Variants in RNF13 observed in about 807,000 individuals in gnomAD.
RNF13 encodes ring finger protein 13.
In RNF13, 19 loss-of-function variants were observed where a neutral mutation model predicts 37.7. That is an observed-to-expected ratio of 0.50 (90% CI 0.35 to 0.74). RNF13 has a LOEUF of 0.74. RNF13 is among the 30% of genes least tolerant of loss of function. The pLI is 0.01. For missense variants in RNF13, 375 were observed against 453.0 expected, an observed-to-expected ratio of 0.83 and a Z score of 1.56; for synonymous variants, 144 against 157.8, an observed-to-expected ratio of 0.91 and a Z score of 0.65.
At chr3:149,853,886 G>C (rs1206699459) in intron 3 of RNF13, among the ~76,000 whole-genome samples, 4 of 146,922 alleles carry the variant, frequency 2.7e-5, no homozygotes, top group African/African-American at 1.0e-4. Flanking sequence ...GCCCAGACTG[G>C]AGCACAGTGG....
intron 8 of RNF13, among the ~76,000 whole-genome samples, chr3:149,937,818 A>G (rs1486442465): frequency 6.6e-6 from 1 of 152,128 alleles, no homozygotes; most frequent in Non-Finnish European, 1.5e-5. Context: ...ATTTTTAAAA[A>G]ATAAAGTATA....
intron 4 of RNF13, among the ~76,000 whole-genome samples, chr3:149,878,113 T>C (rs1046722313): frequency 6.6e-6 from 1 of 152,208 alleles, no homozygotes; most frequent in Non-Finnish European, 1.5e-5. Flanking sequence ...TTTATTTATG[T>C]ATCTATTCCC....
chr3:149,858,192 A>C (rs1474303183), intron 3 of RNF13, among the ~76,000 whole-genome samples: 1 of 152,182 alleles, frequency 6.6e-6, no homozygotes, highest in Non-Finnish European at 1.5e-5. Context: ...AGCCTGCACA[A>C]CCATGAGCTA....
chr3:149,917,951 C>T (rs953466562), intron 7 of RNF13, among the ~76,000 whole-genome samples: 4 of 152,108 alleles, frequency 2.6e-5, no homozygotes, highest in Non-Finnish European at 4.4e-5. Context: ...AATTATGCAA[C>T]CATCACCACA....
rs559550339 is a variant in RNF13, at chr3:149,957,513, T to G, written c.701-2543T>G. Among the ~76,000 whole-genome samples the G allele has an allele frequency of 2.0e-5, 3 of 152,320 alleles. No individual in the cohort carries two copies. In the South Asian group the frequency reaches 6.2e-4, roughly 32 times the overall value. ...ATTTAACTAAATTACATAATTACCC[T>G]AAGTAAAACAAACAGGTTCAATGAC... On this transcript the variant is annotated intron_variant, in intron 8 of 9. Transcript: ENST00000392894.
chr3:149,889,935 A>G (rs909541168), intron 4 of RNF13, among the ~76,000 whole-genome samples: 5 of 152,182 alleles, frequency 3.3e-5, no homozygotes, highest in African/African-American at 1.2e-4. Context: ...TCAGCCTCCC[A>G]GAGTCCTGGG....
chr3:149,819,716 A>C lies in RNF13; in HGVS notation c.-17+6363A>C, dbSNP rs145472407. On this transcript the variant is annotated intron_variant, in intron 1 of 9. Transcript: ENST00000392894. ...ATATACAGAGACGAGCCAGTTTATG[A>C]AGAACTTTGTGCTAAACCACAGTTT... Among the ~76,000 whole-genome samples the C allele has an allele frequency of 4.0e-3, 605 of 152,356 alleles. 3 individuals are homozygous for C. The highest frequency in any genetic ancestry group is 0.014 in the African/African-American group (576 of 41,588).
chr3:149,923,807 C>T (rs1395747128), intron 8 of RNF13, among the ~76,000 whole-genome samples: 1 of 149,334 alleles, frequency 6.7e-6, no homozygotes, highest in Non-Finnish European at 1.5e-5. Flanking sequence ...AATGGTGATA[C>T]TGTCCTGGGT....
At chr3:149,921,268 A>T in intron 8 of RNF13, 41 bp downstream of exon 8, 1 of 934,920 alleles carries the variant, frequency 1.1e-6, no homozygotes, top group Non-Finnish European at 1.5e-6. Flanking sequence ...TAGTTTATTT[A>T]AGACTGCAGG....
intron 1 of RNF13, among the ~76,000 whole-genome samples, chr3:149,824,647 T>A (rs1720304258): frequency 6.6e-6 from 1 of 151,770 alleles, no homozygotes; most frequent in African/African-American, 2.4e-5. Context: ...ATGACCTCTG[T>A]CCTAGTTTTC....
intron 7 of RNF13, among the ~76,000 whole-genome samples, chr3:149,918,261 A>G (rs1717752263): frequency 6.6e-6 from 1 of 152,170 alleles, no homozygotes; most frequent in South Asian, 2.1e-4. Context: ...CAGACTATCT[A>G]TGTTTCAAGT....
intron 5 of RNF13, among the ~76,000 whole-genome samples, chr3:149,899,507 G>C (rs1337696971): frequency 6.6e-6 from 1 of 152,176 alleles, no homozygotes; most frequent in Non-Finnish European, 1.5e-5. Context: ...TTAAACAGCT[G>C]TGTAAGGCAA....
intron 5 of RNF13, among the ~76,000 whole-genome samples, chr3:149,899,930 G>A (rs926625004): frequency 3.9e-5 from 6 of 152,196 alleles, no homozygotes; most frequent in Admixed American, 1.3e-4. Context: ...TTGGATATAC[G>A]AATCTGGAGA....
intron 8 of RNF13, among the ~76,000 whole-genome samples, chr3:149,921,959 C>G (rs1718170257): frequency 6.6e-6 from 1 of 152,044 alleles, no homozygotes; most frequent in Non-Finnish European, 1.5e-5. Context: ...TCTCCAGCAT[C>G]TGTTGTTTCC....
intron 4 of RNF13, among the ~76,000 whole-genome samples, chr3:149,881,825 G>A (rs2108462634): frequency 6.6e-6 from 1 of 152,186 alleles, no homozygotes; most frequent in South Asian, 2.1e-4. Flanking sequence ...ATGCCACTTA[G>A]CAAAAGGTCA....
chr3:149,930,048 C>T (rs1356996363), intron 8 of RNF13, among the ~76,000 whole-genome samples: 1 of 152,204 alleles, frequency 6.6e-6, no homozygotes, highest in Non-Finnish European at 1.5e-5. Flanking sequence ...GCCTCAGCCT[C>T]CCATGTAGCT....
chr3:149,910,563 T>C (rs557287317), intron 6 of RNF13, among the ~76,000 whole-genome samples: 1 of 152,344 alleles, frequency 6.6e-6, no homozygotes, highest in South Asian at 2.1e-4. Context: ...ATACATGTTA[T>C]TTGTCTTAAG....
intron 7 of RNF13, among the ~76,000 whole-genome samples, chr3:149,919,262 A>G (rs1384811068): frequency 6.6e-6 from 1 of 152,178 alleles, no homozygotes; most frequent in Non-Finnish European, 1.5e-5. Flanking sequence ...TATCACATAT[A>G]TCATCCATAT....
In RNF13 at chr3:149,895,466, T is replaced by C. The variant is rs1715151903; in HGVS notation, c.322-7T>C. On this transcript the variant is annotated splice_region_variant and splice_polypyrimidine_tract_variant and intron_variant, in intron 4 of 9. Transcript: ENST00000392894. ...CATAATTTTTTTTTTTTTTTTTTGC[T>C]TTGCAGGTTTTAAATGCACAGAGAG... is the stretch of plus-strand genomic sequence containing the variant. 5.2e-6 allele frequency: 8 copies of C among 1,533,122 alleles called. No individual in the cohort carries two copies. In the South Asian group the frequency reaches 6.1e-5, roughly 12 times the overall value. 95.0% of individuals were successfully genotyped at this position (1,533,122 alleles called of 1,614,324 possible).
Sources: allele counts gnomAD v4.1 joint callset (sites outside exome capture counted in the v4.1 genomes callset), GRCh38; gene constraint gnomAD v4.1.1; transcripts MANE v1.5; gene names NCBI Gene and HGNC (gene_info 2026-07-23, HGNC 2026-07-21).